RGS3: variants seen among roughly 807,000 people sequenced by gnomAD.
RGS3 encodes regulator of G protein signaling 3, also known as regulator of G-protein signalling 3.
RGS3 carries 80 observed loss-of-function variants against 132.6 expected under a neutral mutation model. The ratio of observed to expected loss-of-function variants is 0.60; its 90% CI spans 0.50 to 0.73. The LOEUF is 0.73. Among genes scored for constraint, RGS3 ranks in the 30% least tolerant of loss-of-function variants. RGS3 has a pLI of 0.00. For synonymous variants in RGS3, 598 were observed against 620.6 expected, an observed-to-expected ratio of 0.96 and a Z score of 0.54; for missense variants, 1,382 against 1,530.8, an observed-to-expected ratio of 0.90 and a Z score of 1.62.
chr9:113,513,307 G>A (rs974590305), intron 14 of RGS3, among the ~76,000 whole-genome samples: 8 of 151,394 alleles, frequency 5.3e-5, no homozygotes, highest in African/African-American at 1.5e-4. Flanking sequence ...CCCCCACACC[G>A]CCGTTGCAGC....
At chr9:113,526,085 C>T (rs111595751) in intron 17 of RGS3, among the ~76,000 whole-genome samples, 6,023 of 152,308 alleles carry the variant, frequency 0.04, 162 homozygotes, top group South Asian at 0.1. Flanking sequence ...CTCTGCTGCC[C>T]GCTAGCTTTG....
At position 113,565,024 on chromosome 9, in the gene RGS3, G is replaced by T; in HGVS notation, c.2038-18426G>T. ...GCTGCCCCAGCCTGGGAGCCCTCAG[G>T]ATGTGTGTGGGGTGGAGCCTGCTAG... is the stretch of plus-strand genomic sequence containing the variant. On this transcript the variant is annotated intron_variant, in intron 19 of 24. Transcript: ENST00000350696. The surrounding 1 kb of genome is among the most constrained non-coding windows in gnomAD (Gnocchi z 5.7). 1 of 1,064,764 alleles carries T rather than the reference G, an allele frequency of 9.4e-7. No individual in the cohort carries two copies. Among genetic ancestry groups the T allele is most frequent in the Non-Finnish European group, 1.1e-6 (1 of 874,634 alleles). 66.0% of individuals were successfully genotyped at this position (1,064,764 alleles called of 1,614,324 possible).
chr9:113,575,363 C>T (rs1024435573), intron 19 of RGS3, among the ~76,000 whole-genome samples: 3 of 152,154 alleles, frequency 2.0e-5, no homozygotes, highest in Non-Finnish European at 4.4e-5. Context: ...AGAGTGGGTG[C>T]ACTCCCTGCT....
At chr9:113,517,616 G>C in exon 16 of RGS3, 1 of 1,613,570 alleles carries the variant, frequency 6.2e-7, no homozygotes, top group African/African-American at 1.3e-5. Context: ...GAGGAACAAG[G>C]CTGCCGAGGT....
chr9:113,455,610 C>A (rs1829347633), upstream of RGS3, among the ~76,000 whole-genome samples: 1 of 152,208 alleles, frequency 6.6e-6, no homozygotes. Context: ...AATCTTGAAT[C>A]TTTTACTTGG....
intron 7 of RGS3, among the ~76,000 whole-genome samples, chr9:113,488,648 G>A (rs753009918): frequency 3.3e-5 from 5 of 152,206 alleles, no homozygotes; most frequent in African/African-American, 4.8e-5. Context: ...GTGAGTCAGC[G>A]TCATGGGGCA....
chr9:113,584,142 C>T, exon 20 of RGS3: 1 of 1,614,228 alleles, frequency 6.2e-7, no homozygotes, highest in South Asian at 1.1e-5. Flanking sequence ...ACGGAGAGCG[C>T]AGTGAGGCCA....
At chr9:113,583,199 A>T (rs1442318430) in intron 19 of RGS3, 7 of 618,796 alleles carry the variant, frequency 1.1e-5, no homozygotes, top group African/African-American at 1.8e-5. Context: ...GATAGTGGTT[A>T]TCTCTCCCTC....
upstream of RGS3, among the ~76,000 whole-genome samples, chr9:113,458,432 C>G (rs1829406805): frequency 6.6e-6 from 1 of 152,110 alleles, no homozygotes; most frequent in South Asian, 2.1e-4. Flanking sequence ...TTTTGCATCT[C>G]TAGGATAAAT....
At chr9:113,554,706 GA>G (rs1299546254) in intron 19 of RGS3, among the ~76,000 whole-genome samples, 3 of 152,166 alleles carry the variant, frequency 2.0e-5, no homozygotes, top group Non-Finnish European at 4.4e-5. Flanking sequence ...TCATTTGTAA[GA>G]GCTCTTTATG....
chr9:113,594,202 G>T, intron 21 of RGS3: 1 of 1,612,972 alleles, frequency 6.2e-7, no homozygotes, highest in Non-Finnish European at 8.5e-7. Context: ...CCCAGGACGC[G>T]GGGTGGGGGA....
chr9:113,538,234 C>T (rs886686360), intron 19 of RGS3, among the ~76,000 whole-genome samples: 1 of 152,238 alleles, frequency 6.6e-6, no homozygotes, highest in African/African-American at 2.4e-5. Flanking sequence ...GCATTGCCCC[C>T]TGCCCAGCCC....
At chr9:113,490,779 A>T (rs186680042) in intron 7 of RGS3, among the ~76,000 whole-genome samples, 18,235 of 136,168 alleles carry the variant, frequency 0.13, 1,377 homozygotes, top group African/African-American at 0.18. Context: ...TATAACTTAA[A>T]TATAATTATA....
chr9:113,489,805 C>T (rs1830450830), intron 7 of RGS3, among the ~76,000 whole-genome samples: 5 of 151,886 alleles, frequency 3.3e-5, no homozygotes, highest in South Asian at 4.1e-4. Context: ...GCTAGGATTA[C>T]AGACATGAGC....
chr9:113,485,957 A>G (rs1353069693), intron 7 of RGS3, among the ~76,000 whole-genome samples: 1 of 152,226 alleles, frequency 6.6e-6, no homozygotes, highest in Non-Finnish European at 1.5e-5. Flanking sequence ...CAGCCTACAC[A>G]TGGAAATTTA....
At chr9:113,471,196 T>C (rs1187410063) in intron 3 of RGS3, among the ~76,000 whole-genome samples, 1 of 151,998 alleles carries the variant, frequency 6.6e-6, no homozygotes, top group East Asian at 1.9e-4. Flanking sequence ...TCTATTCCTA[T>C]GGAGCAACCC....
intron 9 of RGS3, 34 bp downstream of exon 7, chr9:113,497,438 G>T: frequency 6.4e-7 from 1 of 1,566,838 alleles, no homozygotes. Flanking sequence ...TCCCTTCCCA[G>T]GACCTGCCCC....
intron 19 of RGS3, among the ~76,000 whole-genome samples, chr9:113,560,176 T>A (rs1218485539): frequency 6.6e-6 from 1 of 152,154 alleles, no homozygotes; most frequent in Non-Finnish European, 1.5e-5. Flanking sequence ...CATGGGACTG[T>A]CCATGGGAGG....
intron 1 of RGS3, among the ~76,000 whole-genome samples, chr9:113,448,359 ATG>A (rs1371133636): frequency 6.6e-6 from 1 of 151,754 alleles, no homozygotes; most frequent in Non-Finnish European, 1.5e-5. Context: ...ACCTTGTTCT[ATG>A]TGCTCTAGCC....
Sources: gnomAD v4.1 joint callset for allele counts (sites outside exome capture counted in the v4.1 genomes callset) on GRCh38, gnomAD v4.1.1 for gene constraint, Gnocchi (gnomAD v3.1) non-coding constraint, MANE v1.5 for transcripts, NCBI Gene and HGNC (gene_info 2026-07-23, HGNC 2026-07-21) for gene names.